AGMO: variants seen among roughly 807,000 people sequenced by gnomAD.
AGMO encodes glyceryl-ether monooxygenase.
Under a neutral mutation model 60.2 loss-of-function variants are expected in AGMO, and 75 were observed. That is an observed-to-expected ratio of 1.25 (90% CI 1.03 to 1.51). The LOEUF (loss-of-function observed/expected upper bound fraction) is 1.51, where lower values mean the gene tolerates loss of function less well. AGMO is among the 40% of genes most tolerant of loss of function. The pLI is 0.00. For missense variants in AGMO, 763 were observed against 525.5 expected, an observed-to-expected ratio of 1.45 and a Z score of -4.42; for synonymous variants, 261 against 177.1, an observed-to-expected ratio of 1.47 and a Z score of -3.76.
the AGMO span, among the ~76,000 whole-genome samples, chr7:15,178,978 G>A: frequency 1.4e-4 from 21 of 152,132 alleles, no homozygotes; most frequent in East Asian, 4.1e-3. Context: ...CTTTTATAAG[G>A]AGCCCATTCC....
chr7:15,248,212 ATATATATATAT>A lies in AGMO; in HGVS notation c.1264-46864_1264-46854del, dbSNP rs1427909320. ...TATATATATATATATATATATATAT[ATATATATATAT>A]ATCTTCATCTTCAATTCTAGTCTAA... On this transcript the variant is annotated intron_variant, in intron 12 of 12. Coordinates refer to ENST00000342526, the MANE Select transcript of AGMO (RefSeq NM_001004320.2). Among the ~76,000 whole-genome samples, 13 of 97,918 alleles carry A rather than the reference ATATATATATAT, an allele frequency of 1.3e-4. 1 individual carries two copies. The highest frequency in any genetic ancestry group is 2.0e-4 in the Non-Finnish European group (10 of 49,678). The allele number at this position is 97,918 out of a possible 152,430, so 64.2% of individuals were successfully genotyped here.
At chr7:15,179,691 C>G in the AGMO span, among the ~76,000 whole-genome samples, 1 of 152,112 alleles carries the variant, frequency 6.6e-6, no homozygotes, top group East Asian at 1.9e-4. Context: ...CTAGGCACTG[C>G]CCTAGTGGAG....
At chr7:15,543,380 C>A (rs1308556229) in intron 3 of AGMO, among the ~76,000 whole-genome samples, 1 of 152,130 alleles carries the variant, frequency 6.6e-6, no homozygotes, top group African/African-American at 2.4e-5. Flanking sequence ...CAAAACATTT[C>A]TTGGGAAGTG....
intron 3 of AGMO, among the ~76,000 whole-genome samples, chr7:15,504,809 T>A (rs1437472075): frequency 6.6e-6 from 1 of 151,234 alleles, no homozygotes; most frequent in East Asian, 1.9e-4. Context: ...AGGGAAAACA[T>A]CCTGTCATGA....
At chr7:15,195,946 A>G (rs866399598), downstream of AGMO, among the ~76,000 whole-genome samples, 10 of 150,520 alleles carry the variant, frequency 6.6e-5, no homozygotes, top group South Asian at 4.2e-4. Context: ...ACCTCCATTC[A>G]CTCTCCAGCT....
intron 3 of AGMO, among the ~76,000 whole-genome samples, chr7:15,494,519 GAACACTTTAATAAGCACCCAGTA>G (rs1562535656): frequency 1.3e-5 from 2 of 152,202 alleles, no homozygotes; most frequent in African/African-American, 4.8e-5. Context: ...TAGCTGGAGT[GAACACTTTAATAAGCACCCAGTA>G]AAGCTGCTCC....
chr7:15,488,981 AC>A (rs1782995735), intron 3 of AGMO, among the ~76,000 whole-genome samples: 2 of 152,200 alleles, frequency 1.3e-5, no homozygotes, highest in Non-Finnish European at 2.9e-5. Context: ...TGGAAAAGTT[AC>A]GATGTGACAT....
rs540692082 is a variant in AGMO at position 15,553,509 on chromosome 7, C to T, written c.257+6632G>A. On this transcript the variant is annotated intron_variant, in intron 2 of 12. Coordinates refer to ENST00000342526, the MANE Select transcript of AGMO (RefSeq NM_001004320.2). ...ATTCATATGAAGAGCCTACTAAGTGCCAGGCACAGCACAAGACACAAGAAC... is the reference window on the plus strand; with the variant it reads ...ATTCATATGAAGAGCCTACTAAGTGTCAGGCACAGCACAAGACACAAGAAC... 2.0e-5 allele frequency among the ~76,000 whole-genome samples: 3 copies of T among 151,992 alleles called. No individual in the cohort carries two copies. The South Asian group carries it at 6.2e-4, about 32-fold the overall frequency.
At chr7:15,253,104 T>C (rs969520257) in intron 12 of AGMO, among the ~76,000 whole-genome samples, 1 of 152,172 alleles carries the variant, frequency 6.6e-6, no homozygotes, top group South Asian at 2.1e-4. Context: ...ATTGTAGATA[T>C]TAATTTGCTA....
chr7:15,265,870 T>A (rs943160410), intron 12 of AGMO, among the ~76,000 whole-genome samples: 23 of 152,048 alleles, frequency 1.5e-4, no homozygotes, highest in Non-Finnish European at 3.4e-4. Context: ...AGCCAAAACA[T>A]GGAGTCAGTG....
chr7:15,533,711 C>G (rs1252856611), intron 3 of AGMO, among the ~76,000 whole-genome samples: 1 of 152,104 alleles, frequency 6.6e-6, no homozygotes, highest in East Asian at 1.9e-4. Context: ...AAGATCACTG[C>G]TAATGAAATC....
At chr7:15,268,583 G>T (rs1783502705) in intron 12 of AGMO, among the ~76,000 whole-genome samples, 1 of 151,972 alleles carries the variant, frequency 6.6e-6, no homozygotes, top group African/African-American at 2.4e-5. Context: ...CTAGCAAACT[G>T]ATTAATACTT....
At chr7:15,406,953 G>A (rs905261452) in intron 5 of AGMO, among the ~76,000 whole-genome samples, 4 of 128,002 alleles carry the variant, frequency 3.1e-5, no homozygotes, top group Admixed American at 8.1e-5. Context: ...ACACACACAC[G>A]TATATTCCAT....
At chr7:15,555,336 CAT>C (rs1179647803) in intron 2 of AGMO, among the ~76,000 whole-genome samples, 5 of 131,974 alleles carry the variant, frequency 3.8e-5, no homozygotes, top group South Asian at 2.3e-4. Context: ...CACACACACA[CAT>C]ATGTAAAGAG....
At chr7:15,378,144 C>T (rs995547439) in intron 10 of AGMO, among the ~76,000 whole-genome samples, 6 of 152,004 alleles carry the variant, frequency 3.9e-5, no homozygotes, top group Non-Finnish European at 8.8e-5. Flanking sequence ...AAGAATCTAA[C>T]TCATTGTTTT....
At chr7:15,469,262 T>C (rs1170875793) in intron 3 of AGMO, among the ~76,000 whole-genome samples, 1 of 152,048 alleles carries the variant, frequency 6.6e-6, no homozygotes, top group Non-Finnish European at 1.5e-5. Context: ...GCTAGGAACA[T>C]GGACCGTCTC....
chr7:15,138,471 C>G, the AGMO span, among the ~76,000 whole-genome samples: 4 of 152,140 alleles, frequency 2.6e-5, no homozygotes, highest in African/African-American at 9.7e-5. Flanking sequence ...CAATGATCTG[C>G]TGAATCAGTA....
intron 4 of AGMO, among the ~76,000 whole-genome samples, chr7:15,426,015 C>T (rs1210875342): frequency 6.6e-6 from 1 of 151,988 alleles, no homozygotes; most frequent in Non-Finnish European, 1.5e-5. Context: ...TCAATACTAG[C>T]TTTATAGATA....
chr7:15,367,354 G>A (rs1206975768), intron 10 of AGMO, among the ~76,000 whole-genome samples: 2 of 151,588 alleles, frequency 1.3e-5, no homozygotes, highest in African/African-American at 4.8e-5. Context: ...AATGTTTATT[G>A]AACATCTACT....
Sources: gnomAD v4.1 joint callset for allele counts (sites outside exome capture counted in the v4.1 genomes callset) on GRCh38, gnomAD v4.1.1 for gene constraint, MANE v1.5 for transcripts, NCBI Gene and HGNC (gene_info 2026-07-23, HGNC 2026-07-21) for gene names.